The following AKAP13 variants were observed in gnomAD, a reference collection of about 807,000 sequenced individuals.
AKAP13 encodes the protein A-kinase anchor protein 13.
A neutral mutation model predicts 264.5 loss-of-function variants in AKAP13; 80 were observed. The observed-to-expected ratio is 0.30, with a 90% confidence interval of 0.25 to 0.36. The LOEUF is 0.36. Among genes scored for constraint, AKAP13 ranks in the 10% least tolerant of loss-of-function variants. The pLI, the probability that AKAP13 is intolerant of heterozygous loss-of-function variation, is 1.00. For synonymous variants in AKAP13, 1,380 were observed against 1,250.2 expected (o/e 1.10, Z -2.19); for missense variants, 3,712 against 3,435.2 (o/e 1.08, Z -2.01).
Position 85,735,637 on chromosome 15 carries a change from C to G in AKAP13, c.7512+7C>G. On this transcript the variant is annotated splice_region_variant and intron_variant, in intron 32 of 36. Coordinates refer to ENST00000394518, the MANE Select transcript of AKAP13 (RefSeq NM_007200.5). ...AGATAGTGGCCTAAAAAAGGTATTT[C>G]TCTTTAAAATACACCATGAACCTCC... 1 of 1,610,390 alleles carries G rather than the reference C, an allele frequency of 6.2e-7. No homozygotes were observed. Among genetic ancestry groups the G allele is most frequent in the Non-Finnish European group, 8.5e-7 (1 of 1,178,554 alleles).
intron 8 of AKAP13, among the ~76,000 whole-genome samples, chr15:85,633,595 G>A (rs996845873): frequency 3.8e-5 from 5 of 132,076 alleles, no homozygotes; most frequent in African/African-American, 1.4e-4. Flanking sequence ...CCAGGCTGGA[G>A]TGCAGTGGCA....
At chr15:85,647,201 C>G (rs772267305) in intron 10 of AKAP13, among the ~76,000 whole-genome samples, 1 of 152,016 alleles carries the variant, frequency 6.6e-6, no homozygotes, top group Admixed American at 6.6e-5. Flanking sequence ...GAGTTCGAGA[C>G]CAGCCTGGAA....
chr15:85,493,385 C>T (rs1480544628), intron 2 of AKAP13, among the ~76,000 whole-genome samples: 1 of 152,152 alleles, frequency 6.6e-6, no homozygotes, highest in African/African-American at 2.4e-5. Flanking sequence ...ATTAATCTGC[C>T]TAGCATAGGC....
At position 85,727,119 on chromosome 15, in the gene AKAP13, A is replaced by C. The variant is rs1408040614; in HGVS notation, c.6876A>C (p.Ala2292=). 6.2e-7 allele frequency: 1 copy of C among 1,614,118 alleles called. No homozygotes were observed. Among genetic ancestry groups the C allele is most frequent in the Non-Finnish European group, 8.5e-7 (1 of 1,180,038 alleles). ...AGAAGCTGATTGTGAGAGAAGTGGC[A>C]CATGAGGAGAAAGGTTTATTCCTGA... is the stretch of plus-strand genomic sequence containing the variant. ...SLKKLIVREV[A]HEEKGLFLIS... is the part of the protein sequence containing the mutation. Residue 2292 remains alanine (A), a synonymous_variant, in exon 28 of 37, where the codon GCA becomes GCC. Coordinates refer to ENST00000394518, the MANE Select transcript of AKAP13 (RefSeq NM_007200.5). The surrounding 1 kb of genome is among the most constrained non-coding windows in gnomAD (Gnocchi z 5.3).
At chr15:85,433,518 G>A (rs1023838955) in intron 1 of AKAP13, among the ~76,000 whole-genome samples, 1 of 152,058 alleles carries the variant, frequency 6.6e-6, no homozygotes, top group African/African-American at 2.4e-5. Flanking sequence ...GAAATGCTGT[G>A]AATGCCTAGT....
chr15:85,466,173 G>T (rs1463190896), intron 1 of AKAP13, among the ~76,000 whole-genome samples: 2 of 149,944 alleles, frequency 1.3e-5, no homozygotes, highest in African/African-American at 4.9e-5. Context: ...GTCTGTTCAT[G>T]TCCTTTGCCC....
In AKAP13 at chr15:85,573,788, A is replaced by G. The variant is rs79043615; in HGVS notation, c.663-1343A>G. Among the ~76,000 whole-genome samples, 470 of 140,440 alleles carry G rather than the reference A, an allele frequency of 3.3e-3. 3 individuals carry two copies. The highest frequency in any genetic ancestry group is 0.011 in the African/African-American group (443 of 38,670). 92.1% of individuals were successfully genotyped at this position (140,440 alleles called of 152,430 possible). A position where few individuals can be genotyped will look rare whatever the true frequency, so the allele number is the denominator to read the frequency against. On this transcript the variant is annotated intron_variant, in intron 5 of 36. Transcript: ENST00000394518. ...AGGATTTTCTGATACAAGTAGAAAA[A>G]TAGAAAAAAGTAGATATGTTTTTCT...
intron 15 of AKAP13, among the ~76,000 whole-genome samples, chr15:85,684,181 A>G (rs1464439285): frequency 6.6e-6 from 1 of 152,196 alleles, no homozygotes; most frequent in African/African-American, 2.4e-5. Context: ...ATTGAATGCT[A>G]TTGTAGATGA....
At chr15:85,658,387 T>C in intron 11 of AKAP13, 150 bp from the exon 12 acceptor site, 1 of 566,054 alleles carries the variant, frequency 1.8e-6, no homozygotes, top group Admixed American at 3.0e-5. Flanking sequence ...GTCCTGATGT[T>C]TTTCTCATTC....
In AKAP13 at chr15:85,429,922, G is replaced by A. The variant is rs548677642; in HGVS notation, c.-12+49124G>A. 3.9e-5 allele frequency among the ~76,000 whole-genome samples: 6 copies of A among 152,280 alleles called. No homozygotes were observed. The South Asian group carries it at 1.2e-3, about 32-fold the overall frequency. On this transcript the variant is annotated intron_variant, in intron 1 of 36. Transcript: ENST00000394518. ...TCCCCTGCACTTTACTCTGAAGTGG[G>A]AATAATGGAACTTGGGTGCCTGTTG...
intron 2 of AKAP13, among the ~76,000 whole-genome samples, chr15:85,492,535 ATACTCTGTTCCCCTTAAATATT>A (rs1363684889): frequency 6.6e-6 from 1 of 152,244 alleles, no homozygotes; most frequent in African/African-American, 2.4e-5. Context: ...TGCAAACAGT[ATACTCTGTTCCCCTTAAATATT>A]TCAGCATATA....
In AKAP13 at chr15:85,412,333, A is replaced by G. The variant is rs151053023; in HGVS notation, c.-12+31535A>G. 3.0e-4 allele frequency among the ~76,000 whole-genome samples: 46 copies of G among 152,348 alleles called. No individual in the cohort carries two copies. In the East Asian group the frequency reaches 4.6e-3, roughly 15 times the overall value. The stretch of plus-strand genomic sequence containing the variant: ...TACTCCTTTTTCAAATTGGGTATCT[A>G]TTTGAGGCAAAATTTTAAAAATGTA... On this transcript the variant is annotated intron_variant, in intron 1 of 36. Coordinates refer to ENST00000394518, the MANE Select transcript of AKAP13 (RefSeq NM_007200.5).
intron 1 of AKAP13, among the ~76,000 whole-genome samples, chr15:85,476,372 T>G (rs1415012606): frequency 6.6e-6 from 1 of 152,188 alleles, no homozygotes; most frequent in African/African-American, 2.4e-5. Flanking sequence ...TTCCTCACCA[T>G]CACCTTTTAT....
intron 5 of AKAP13, among the ~76,000 whole-genome samples, chr15:85,563,816 A>G (rs909524696): frequency 2.0e-5 from 3 of 152,232 alleles, no homozygotes; most frequent in African/African-American, 2.4e-5. Context: ...ATTAATTTCC[A>G]CAACAACTTT....
At chr15:85,473,427 A>ACTCTG (rs1596289772) in intron 1 of AKAP13, among the ~76,000 whole-genome samples, 1 of 152,362 alleles carries the variant, frequency 6.6e-6, no homozygotes, top group Non-Finnish European at 1.5e-5. Flanking sequence ...CCGAGATTAT[A>ACTCTG]GATAGAATGA....
intron 8 of AKAP13, among the ~76,000 whole-genome samples, chr15:85,600,121 G>A (rs1456689283): frequency 1.3e-5 from 2 of 152,110 alleles, no homozygotes; most frequent in Non-Finnish European, 2.9e-5. Context: ...GACCTTTAAT[G>A]TGGGGGTTGG....
At position 85,434,403 on chromosome 15, in the gene AKAP13, C is replaced by T. The variant is rs1043489469; in HGVS notation, c.-11-51307C>T. ...GCAGCGAGGCTGGGGGAGGGGCGCCCGCCATTGCCCAGGCTTGATTAGGTA... is the reference window on the plus strand; with the variant it reads ...GCAGCGAGGCTGGGGGAGGGGCGCCTGCCATTGCCCAGGCTTGATTAGGTA... On this transcript the variant is annotated intron_variant, in intron 1 of 36. Coordinates refer to ENST00000394518, the MANE Select transcript of AKAP13 (RefSeq NM_007200.5). Among the ~76,000 whole-genome samples, 1,079 of 152,296 alleles carry T rather than the reference C, an allele frequency of 7.1e-3. 4 individuals carry two copies. The highest frequency in any genetic ancestry group is 0.011 in the Non-Finnish European group (768 of 68,026).
chr15:85,579,195 T>G lies in AKAP13; in HGVS notation c.1127T>G (p.Val376Gly). The change falls in exon 7 of 37, where the codon GTG becomes GGG. Residue 376 changes from valine to glycine, a missense_variant. Transcript: ENST00000394518. ...TCCTGTAGGAAGAAAAATAAAGGCGTGGAAAGAAAAGGGGAAGAGGTGGAG... is the reference window on the plus strand; with the variant it reads ...TCCTGTAGGAAGAAAAATAAAGGCGGGGAAAGAAAAGGGGAAGAGGTGGAG... ...DRSCRKKNKGVERKGEEVEPA... is the reference protein window; with the variant it reads ...DRSCRKKNKGGERKGEEVEPA... The G allele has an allele frequency of 6.2e-7, 1 of 1,613,698 alleles. No individual in the cohort carries two copies. The highest frequency in any genetic ancestry group is 8.5e-7 in the Non-Finnish European group (1 of 1,179,934).
rs1319039927 is a variant in AKAP13 at position 85,746,048 on chromosome 15, T to A, written c.*1371T>A. ...AGGACAGTTCATGGTAATGTTGCCCTCTGAGGCCCCGTACACCAGAAGGGA... is the reference window on the plus strand; with the variant it reads ...AGGACAGTTCATGGTAATGTTGCCCACTGAGGCCCCGTACACCAGAAGGGA... On this transcript the variant is annotated 3_prime_UTR_variant, in exon 37 of 37. Coordinates refer to ENST00000394518, the MANE Select transcript of AKAP13 (RefSeq NM_007200.5). 1.3e-5 allele frequency: 2 copies of A among 152,320 alleles called. No individual in the cohort carries two copies. The highest frequency in any genetic ancestry group is 2.9e-5 in the Non-Finnish European group (2 of 68,034). 9.4% of individuals were successfully genotyped at this position (152,320 alleles called of 1,614,324 possible). A position where few individuals can be genotyped will look rare whatever the true frequency, so the allele number is the denominator to read the frequency against.
Sources: gnomAD v4.1 joint callset for allele counts (sites outside exome capture counted in the v4.1 genomes callset) on GRCh38, gnomAD v4.1.1 for gene constraint, Gnocchi (gnomAD v3.1) non-coding constraint, MANE v1.5 for transcripts, NCBI Gene and HGNC (gene_info 2026-07-23, HGNC 2026-07-21) for gene names.